ADGRL3: variants seen among roughly 807,000 people sequenced by gnomAD.
ADGRL3 encodes the protein adhesion G protein-coupled receptor L3, also known as calcium-independent alpha-latrotoxin receptor 3.
In ADGRL3, 62 loss-of-function variants were observed where a neutral mutation model predicts 153.5. That is an observed-to-expected ratio of 0.40 (90% CI 0.33 to 0.50). The LOEUF is 0.50. Ranked by LOEUF, ADGRL3 falls within the 20% of genes least tolerant of loss-of-function variation. ADGRL3 has a pLI of 0.47. For missense variants in ADGRL3, 1,641 were observed against 1,859.4 expected (o/e 0.88, Z 2.16); for synonymous variants, 710 against 672.5 (o/e 1.06, Z -0.86).
intron 2 of ADGRL3, among the ~76,000 whole-genome samples, chr4:61,487,429 C>T (rs2098208592): frequency 6.6e-6 from 1 of 152,126 alleles, no homozygotes; most frequent in East Asian, 1.9e-4. Flanking sequence ...CAGTGTCTGG[C>T]ACAGTAAGGG....
At chr4:61,252,055 T>G (rs1759504118) in intron 1 of ADGRL3, among the ~76,000 whole-genome samples, 1 of 151,960 alleles carries the variant, frequency 6.6e-6, no homozygotes, top group Non-Finnish European at 1.5e-5. Flanking sequence ...AGATAATTTT[T>G]GTATTTTTAG....
At chr4:61,480,354 G>A (rs2098118512) in intron 2 of ADGRL3, among the ~76,000 whole-genome samples, 1 of 152,052 alleles carries the variant, frequency 6.6e-6, no homozygotes, top group Non-Finnish European at 1.5e-5. Flanking sequence ...GTTTCAAATA[G>A]CAATAGTTCC....
chr4:61,982,483 AT>A (rs2099071914), intron 18 of ADGRL3, among the ~76,000 whole-genome samples: 1 of 152,170 alleles, frequency 6.6e-6, no homozygotes, highest in Non-Finnish European at 1.5e-5. Context: ...TCATCAATGA[AT>A]TTCTGTTACT....
chr4:61,705,164 G>T (rs2095835792), intron 6 of ADGRL3, among the ~76,000 whole-genome samples: 1 of 152,010 alleles, frequency 6.6e-6, no homozygotes, highest in Non-Finnish European at 1.5e-5. Context: ...ATCCATCAAA[G>T]ATATCACTAT....
intron 9 of ADGRL3, among the ~76,000 whole-genome samples, chr4:61,873,042 A>G (rs2098454921): frequency 6.6e-6 from 1 of 152,208 alleles, no homozygotes; most frequent in African/African-American, 2.4e-5. Context: ...GGAAGATAAA[A>G]CTTGTTTCAA....
At chr4:61,435,730 A>G (rs1299614460) in intron 2 of ADGRL3, among the ~76,000 whole-genome samples, 1 of 151,968 alleles carries the variant, frequency 6.6e-6, no homozygotes, top group African/African-American at 2.4e-5. Flanking sequence ...TTCACCTTCC[A>G]TTCTCCATAA....
At chr4:61,902,448 A>T (rs2098669755) in intron 11 of ADGRL3, among the ~76,000 whole-genome samples, 1 of 151,892 alleles carries the variant, frequency 6.6e-6, no homozygotes, top group South Asian at 2.1e-4. Context: ...GAACCCTCTA[A>T]TCCTTTCCCC....
At chr4:61,580,089 T>C (rs1033406860) in intron 4 of ADGRL3, among the ~76,000 whole-genome samples, 1 of 152,104 alleles carries the variant, frequency 6.6e-6, no homozygotes, top group African/African-American at 2.4e-5. Flanking sequence ...ATATTTACTT[T>C]TTGGCAGCAT....
At chr4:61,594,340 T>C (rs1185002863) in intron 5 of ADGRL3, among the ~76,000 whole-genome samples, 1 of 152,184 alleles carries the variant, frequency 6.6e-6, no homozygotes, top group Admixed American at 6.5e-5. Flanking sequence ...GGTCCTGTTT[T>C]CCTGGATGTT....
intron 2 of ADGRL3, among the ~76,000 whole-genome samples, chr4:61,456,856 A>C: frequency 6.6e-6 from 1 of 152,114 alleles, no homozygotes; most frequent in Admixed American, 6.6e-5. Context: ...ATCAATTTTT[A>C]TTCTAAATTT....
intron 4 of ADGRL3, among the ~76,000 whole-genome samples, chr4:61,584,977 C>T (rs560542616): frequency 3.9e-4 from 59 of 152,082 alleles, no homozygotes; most frequent in African/African-American, 1.4e-3. Context: ...TTAGGGACAA[C>T]AGAAATGCAC....
intron 1 of ADGRL3, among the ~76,000 whole-genome samples, chr4:61,320,357 T>C (rs1312262157): frequency 6.6e-6 from 1 of 152,204 alleles, no homozygotes. Flanking sequence ...CTTGTGTTAG[T>C]CAGAGTTCTT....
chr4:61,606,125 A>G (rs576274458), intron 5 of ADGRL3, among the ~76,000 whole-genome samples: 1 of 152,258 alleles, frequency 6.6e-6, no homozygotes, highest in East Asian at 1.9e-4. Flanking sequence ...TAAACTGTAC[A>G]TAAAAAAAAA....
intron 5 of ADGRL3, among the ~76,000 whole-genome samples, chr4:61,592,511 G>A (rs78721317): frequency 0.011 from 1,648 of 152,238 alleles, 27 homozygotes; most frequent in African/African-American, 0.037. Flanking sequence ...AAGGATTACT[G>A]TCTGTGTGCA....
chr4:61,299,283 G>A (rs1010876084), intron 1 of ADGRL3, among the ~76,000 whole-genome samples: 2 of 152,042 alleles, frequency 1.3e-5, no homozygotes, highest in African/African-American at 2.4e-5. Context: ...ATCATAGTGA[G>A]GCTGTGTCAG....
intron 5 of ADGRL3, among the ~76,000 whole-genome samples, chr4:61,649,678 GA>G (rs2094175446): frequency 6.6e-6 from 1 of 152,098 alleles, no homozygotes; most frequent in African/African-American, 2.4e-5. Context: ...TGTTTAAAAT[GA>G]ATGTTTAGAG....
chr4:62,055,019 ATTGT>A (rs1736261618), intron 25 of ADGRL3, among the ~76,000 whole-genome samples: 4 of 151,770 alleles, frequency 2.6e-5, no homozygotes, highest in Non-Finnish European at 5.9e-5. Context: ...GGGAAAGTGA[ATTGT>A]ATAAACAGGT....
intron 10 of ADGRL3, among the ~76,000 whole-genome samples, chr4:61,893,544 C>A (rs1020099284): frequency 6.6e-6 from 1 of 152,074 alleles, no homozygotes; most frequent in African/African-American, 2.4e-5. Flanking sequence ...AAGTTTGACT[C>A]TCCTTTTCAT....
intron 9 of ADGRL3, among the ~76,000 whole-genome samples, chr4:61,853,049 G>A (rs2098225673): frequency 1.3e-5 from 2 of 151,454 alleles, no homozygotes; most frequent in South Asian, 2.1e-4. Context: ...ACAGAGTCTC[G>A]CTCTGTCACC....
Sources: gnomAD v4.1 joint callset for allele counts (sites outside exome capture counted in the v4.1 genomes callset) on GRCh38, gnomAD v4.1.1 for gene constraint, MANE v1.5 for transcripts, NCBI Gene and HGNC (gene_info 2026-07-23, HGNC 2026-07-21) for gene names.